DMD: variants seen among roughly 807,000 people sequenced by gnomAD.
DMD encodes mutant dystrophin.
In DMD, 63 loss-of-function variants were observed where a neutral mutation model predicts 330.1. The ratio of observed to expected loss-of-function variants is 0.19; its 90% CI spans 0.16 to 0.24. DMD has a LOEUF of 0.24. DMD is among the 10% of genes least tolerant of loss of function. DMD has a pLI of 1.00. For missense variants in DMD, 3,344 were observed against 2,684.1 expected (o/e 1.25, Z -5.43); for synonymous variants, 1,223 against 959.8 (o/e 1.27, Z -5.07).
At chrX:31,817,128 T>C (rs900496577) in intron 50 of DMD, among the ~76,000 whole-genome samples, 2 of 111,709 alleles carry the variant, frequency 1.8e-5, no homozygotes, top group African/African-American at 6.5e-5. Flanking sequence ...ATATGTTCTT[T>C]GCAGTTATTT....
chrX:32,123,212 T>C (rs2096645393), intron 44 of DMD, among the ~76,000 whole-genome samples: 1 of 64,896 alleles, frequency 1.5e-5, no homozygotes, highest in Non-Finnish European at 3.0e-5. Flanking sequence ...CATATATATA[T>C]ATATATATAT....
chrX:33,185,021 C>T (rs1264926924), intron 1 of DMD, among the ~76,000 whole-genome samples: 1 of 110,238 alleles, frequency 9.1e-6, no homozygotes, highest in Non-Finnish European at 1.9e-5. Context: ...CGCGCCCGGC[C>T]CAGCAAGGAT....
At chrX:33,009,448 A>ATGTGTATACACATATGTG (rs2093556464) in intron 2 of DMD, among the ~76,000 whole-genome samples, 2 of 30,596 alleles carry the variant, frequency 6.5e-5, no homozygotes, top group Non-Finnish European at 1.2e-4. Flanking sequence ...ACACATATGT[A>ATGTGTATACACATATGTG]TGTATGTGTA....
Position 32,626,082 on chromosome X carries a change from T to C in DMD, c.1332-11629A>G, listed in dbSNP as rs141078121. ...GATACCAGTACAAATTAGAGAAACT[T>C]AATTTTTAATGCATGTTTTTACTTT... On this transcript the variant is annotated intron_variant, in intron 11 of 78. Transcript: ENST00000357033. Among the ~76,000 whole-genome samples the C allele has an allele frequency of 7.2e-3, 810 of 112,715 alleles. 3 individuals carry two copies. Among genetic ancestry groups the C allele is most frequent in the Middle Eastern group, 0.018 (4 of 218 alleles).
At chrX:31,327,974 G>A (rs150210738) in intron 61 of DMD, among the ~76,000 whole-genome samples, 5,845 of 112,177 alleles carry the variant, frequency 0.052, 155 homozygotes, top group Non-Finnish European at 0.084. Flanking sequence ...AATAAAGCTG[G>A]TATCAACATT....
At chrX:32,804,186 G>A (rs755648019) in intron 7 of DMD, among the ~76,000 whole-genome samples, 53 of 111,694 alleles carry the variant, frequency 4.7e-4, no homozygotes, top group African/African-American at 1.7e-3. Context: ...AAGTTCAGCA[G>A]ATCCAACGCC....
intron 44 of DMD, among the ~76,000 whole-genome samples, chrX:32,161,825 T>C (rs534971251): frequency 8.9e-5 from 10 of 111,764 alleles, no homozygotes; most frequent in African/African-American, 2.0e-4. Flanking sequence ...TCCAAGAAGA[T>C]AGTACACCCT....
At position 32,454,763 on chromosome X, in the gene DMD, C is replaced by G. The variant is rs398123941; in HGVS notation, c.3502G>C (p.Glu1168Gln). Residue 1168 changes from glutamate (E) to glutamine (Q), a missense_variant, in exon 26 of 79, where the codon GAG (glutamate) becomes CAG (glutamine). By Grantham distance (29) the Glu-to-Gln change is conservative. Transcript: ENST00000357033. ...KTVSLQKDLS[E>Q]MHEWMTQAEE... is the part of the protein sequence containing the mutation. The stretch of plus-strand genomic sequence containing the variant: ...GCTTGTGTCATCCATTCGTGCATCT[C>G]TGATAGATCTTTCTGGAGGCTTACA... 1 of 1,206,635 alleles carries G rather than the reference C, an allele frequency of 8.3e-7. No homozygotes were observed. The highest frequency in any genetic ancestry group is 1.7e-5 in the African/African-American group (1 of 57,256).
chrX:31,550,709 T>C (rs889336737), intron 55 of DMD, among the ~76,000 whole-genome samples: 9 of 112,031 alleles, frequency 8.0e-5, no homozygotes, highest in African/African-American at 2.9e-4. Context: ...ATAAAGGTTA[T>C]ATATACATAC....
intron 44 of DMD, among the ~76,000 whole-genome samples, chrX:32,204,324 T>A (rs894373413): frequency 7.1e-5 from 8 of 112,225 alleles, no homozygotes; most frequent in Non-Finnish European, 1.3e-4. Context: ...TTGCTGGGAG[T>A]ATTTCAAAAT....
intron 7 of DMD, among the ~76,000 whole-genome samples, chrX:32,781,425 T>A (rs1361191604): frequency 2.7e-5 from 3 of 112,175 alleles, no homozygotes; most frequent in African/African-American, 9.7e-5. Context: ...CTAAACAGTA[T>A]TGAATAAAAC....
rs745715195 is a variant in DMD, at chrX:32,604,156, C to T, written c.1483-8280G>A. 2.0e-4 allele frequency among the ~76,000 whole-genome samples: 22 copies of T among 110,192 alleles called. No individual in the cohort carries two copies. In the South Asian group the frequency reaches 7.0e-3, roughly 35 times the overall value. Reference sequence around the variant, plus strand: ...ACAAAAAGATAATACATGACAATAACGTGAGCTTTATGCCAGGTAGGCAGG... The same window carrying T: ...ACAAAAAGATAATACATGACAATAATGTGAGCTTTATGCCAGGTAGGCAGG... On this transcript the variant is annotated intron_variant, in intron 12 of 78. Coordinates refer to ENST00000357033, the MANE Select transcript of DMD (RefSeq NM_004006.3).
chrX:32,334,510 T>C (rs755704147), intron 41 of DMD, among the ~76,000 whole-genome samples: 1 of 111,766 alleles, frequency 8.9e-6, no homozygotes, highest in East Asian at 2.8e-4. Flanking sequence ...TAGGAGACAA[T>C]ATAAAAAATG....
intron 7 of DMD, among the ~76,000 whole-genome samples, chrX:32,720,835 C>G (rs1228030230): frequency 9.0e-6 from 1 of 110,836 alleles, no homozygotes; most frequent in Non-Finnish European, 1.9e-5. Context: ...TTTATTTATC[C>G]CACATAACTG....
chrX:31,263,453 G>T (rs967226137), intron 62 of DMD, among the ~76,000 whole-genome samples: 1 of 111,843 alleles, frequency 8.9e-6, no homozygotes, highest in East Asian at 2.8e-4. Context: ...TTATGAAAAG[G>T]GTTTTAGAAA....
At chrX:31,569,402 A>C (rs966134027) in intron 55 of DMD, among the ~76,000 whole-genome samples, 1 of 108,244 alleles carries the variant, frequency 9.2e-6, no homozygotes, top group African/African-American at 3.3e-5. Flanking sequence ...CTGTACGTTT[A>C]AAAGTCAATT....
intron 45 of DMD, among the ~76,000 whole-genome samples, chrX:31,941,382 G>A (rs765620222): frequency 4.5e-5 from 5 of 111,167 alleles, no homozygotes; most frequent in Admixed American, 9.6e-5. Flanking sequence ...CCAGCTCCCG[G>A]TTTTTTAAGC....
At chrX:31,807,273 G>A (rs17330097) in intron 50 of DMD, among the ~76,000 whole-genome samples, 11,690 of 111,423 alleles carry the variant, frequency 0.1, 505 homozygotes, top group Middle Eastern at 0.14. Context: ...ATTTTCCAAG[G>A]GAGTCGTGGT....
intron 2 of DMD, among the ~76,000 whole-genome samples, chrX:33,019,724 A>G (rs2093876843): frequency 9.0e-6 from 1 of 111,638 alleles, no homozygotes; most frequent in African/African-American, 3.3e-5. Flanking sequence ...GTGGCTGAAT[A>G]CACCCAAAGC....
Sources: allele counts gnomAD v4.1 joint callset (sites outside exome capture counted in the v4.1 genomes callset), GRCh38; gene constraint gnomAD v4.1.1; transcripts MANE v1.5; gene names NCBI Gene and HGNC (gene_info 2026-07-23, HGNC 2026-07-21).